NELL2: variants seen among roughly 807,000 people sequenced by gnomAD.
NELL2 encodes the protein protein kinase C-binding protein NELL2.
Under a neutral mutation model 109.6 loss-of-function variants are expected in NELL2, and 41 were observed. That is an observed-to-expected ratio of 0.37 (90% CI 0.29 to 0.49). The LOEUF (loss-of-function observed/expected upper bound fraction) is 0.49. NELL2 is among the 20% of genes least tolerant of loss of function. NELL2 has a pLI of 0.98. For synonymous variants in NELL2, 355 were observed against 344.7 expected (o/e 1.03, Z -0.33); for missense variants, 900 against 1,008.3 (o/e 0.89, Z 1.45).
In NELL2 at chr12:44,862,698, T is replaced by A. The variant is rs113815855; in HGVS notation, c.184+12527A>T. Among the ~76,000 whole-genome samples, 1,239 of 152,220 alleles carry A rather than the reference T, an allele frequency of 8.1e-3. 17 individuals are homozygous for A. Among genetic ancestry groups the A allele is most frequent in the African/African-American group, 0.028 (1,159 of 41,526 alleles). On this transcript the variant is annotated intron_variant, in intron 2 of 19. Transcript: ENST00000429094. ...TTAATGGAAAGTTTAAAATTATATT[T>A]AGAAAAAACACAAATTCTTCAGCTA...
intron 15 of NELL2, among the ~76,000 whole-genome samples, chr12:44,575,608 G>A (rs1441432595): frequency 6.6e-6 from 1 of 152,178 alleles, no homozygotes; most frequent in Non-Finnish European, 1.5e-5. Context: ...AAACTGTAGG[G>A]GATGTGGAAA....
At chr12:44,837,216 G>C (rs1944080397) in intron 2 of NELL2, among the ~76,000 whole-genome samples, 1 of 152,188 alleles carries the variant, frequency 6.6e-6, no homozygotes, top group African/African-American at 2.4e-5. Flanking sequence ...TGCAGAAAGA[G>C]TAAGTTATTT....
At chr12:44,654,219 T>C (rs1032928280) in intron 13 of NELL2, among the ~76,000 whole-genome samples, 13 of 152,236 alleles carry the variant, frequency 8.5e-5, no homozygotes, top group African/African-American at 2.7e-4. Context: ...ACCATGTACC[T>C]ATATGAAAGC....
chr12:44,571,596 A>T (rs1023915584), intron 15 of NELL2, among the ~76,000 whole-genome samples: 2 of 152,230 alleles, frequency 1.3e-5, no homozygotes, highest in Non-Finnish European at 2.9e-5. Context: ...GTAGGCATCC[A>T]ATATAAATTG....
At chr12:44,583,189 T>A (rs1201086951) in intron 15 of NELL2, among the ~76,000 whole-genome samples, 1 of 152,180 alleles carries the variant, frequency 6.6e-6, no homozygotes, top group African/African-American at 2.4e-5. Flanking sequence ...TGGAAGAATG[T>A]CATTAACCAC....
intron 15 of NELL2, among the ~76,000 whole-genome samples, chr12:44,551,480 G>A (rs1943042530): frequency 6.6e-6 from 1 of 151,848 alleles, no homozygotes; most frequent in Non-Finnish European, 1.5e-5. Context: ...CAGAGAGACA[G>A]ATCTGTATAG....
At chr12:44,686,780 C>A (rs918938850) in intron 12 of NELL2, among the ~76,000 whole-genome samples, 3 of 152,224 alleles carry the variant, frequency 2.0e-5, no homozygotes, top group Non-Finnish European at 4.4e-5. Flanking sequence ...GTTCTCAGAT[C>A]TCCAGCTGCG....
chr12:44,825,391 C>CTTTT (rs34266446), intron 2 of NELL2, among the ~76,000 whole-genome samples: 17 of 83,612 alleles, frequency 2.0e-4, no homozygotes, highest in Non-Finnish European at 3.1e-4. Context: ...TATTCATTTC[C>CTTTT]TTTTTTTTTT....
intron 12 of NELL2, among the ~76,000 whole-genome samples, chr12:44,676,119 A>G (rs913244385): frequency 2.6e-5 from 4 of 152,152 alleles, no homozygotes; most frequent in African/African-American, 9.7e-5. Context: ...ATGCAGCTCA[A>G]TTGCAAAGAC....
At chr12:44,553,192 C>T (rs1012807178) in intron 15 of NELL2, among the ~76,000 whole-genome samples, 10 of 148,986 alleles carry the variant, frequency 6.7e-5, no homozygotes, top group Non-Finnish European at 7.4e-5. Flanking sequence ...GTGGGTGCAG[C>T]GCACCAGCAT....
intron 15 of NELL2, among the ~76,000 whole-genome samples, chr12:44,582,153 A>G (rs1341623023): frequency 6.6e-6 from 1 of 152,202 alleles, no homozygotes; most frequent in Non-Finnish European, 1.5e-5. Flanking sequence ...AAAGCAGTTA[A>G]AACTTGATGA....
rs1941571370 is a variant in NELL2 at position 44,522,189 on chromosome 12, G to T, written c.1999-13C>A. On this transcript the variant is annotated splice_polypyrimidine_tract_variant and intron_variant, in intron 17 of 19. Transcript: ENST00000429094. The stretch of plus-strand genomic sequence containing the variant: ...TAACGAATCCATTCTGTATGAAAAA[G>T]AAAAAAAGCAGTTACCAAAAACCTC... 3 of 1,605,360 alleles carry T rather than the reference G, an allele frequency of 1.9e-6. No homozygotes were observed. Among genetic ancestry groups the T allele is most frequent in the African/African-American group, 1.3e-5 (1 of 74,098 alleles).
intron 9 of NELL2, among the ~76,000 whole-genome samples, chr12:44,743,616 A>G (rs1477375158): frequency 6.6e-6 from 1 of 152,238 alleles, no homozygotes; most frequent in Non-Finnish European, 1.5e-5. Context: ...TCTACCAAGC[A>G]AATGGAAAAT....
intron 15 of NELL2, among the ~76,000 whole-genome samples, chr12:44,587,800 G>A (rs976777746): frequency 1.3e-5 from 2 of 152,116 alleles, no homozygotes; most frequent in African/African-American, 4.8e-5. Context: ...AAACCCCCTT[G>A]ATGGTCACCA....
intron 1 of NELL2, 143 bp from the exon 2 acceptor site, chr12:44,875,496 G>A (rs775331915): frequency 3.1e-6 from 5 of 1,613,800 alleles, no homozygotes; most frequent in Middle Eastern, 1.6e-4. Context: ...CTCCTCCGCC[G>A]AGAGCCTTAC....
At position 44,709,287 on chromosome 12, in the gene NELL2, G is replaced by C. The variant is rs542876007; in HGVS notation, c.1189+2005C>G. On this transcript the variant is annotated intron_variant, in intron 11 of 19. Transcript: ENST00000429094. ...TGATGTGGTGCCAGTTCCAGACCTA[G>C]TATTTGAAGGCCTGAGTCACCACTT... Among the ~76,000 whole-genome samples the C allele has an allele frequency of 1.8e-3, 279 of 152,250 alleles. 2 individuals are homozygous for C. Among genetic ancestry groups the C allele is most frequent in the African/African-American group, 5.7e-3 (238 of 41,560 alleles).
chr12:44,673,810 T>C (rs995740479), intron 12 of NELL2, among the ~76,000 whole-genome samples: 11 of 152,226 alleles, frequency 7.2e-5, no homozygotes, highest in Admixed American at 1.3e-4. Context: ...AGGTTCATGG[T>C]TCCTTGAAAA....
chr12:44,555,655 T>C (rs1030011933), intron 15 of NELL2, among the ~76,000 whole-genome samples: 1 of 152,100 alleles, frequency 6.6e-6, no homozygotes, highest in Admixed American at 6.6e-5. Context: ...GTATTAAAAG[T>C]TGCAGAGACC....
At chr12:44,728,292 T>A (rs1187373087) in intron 9 of NELL2, among the ~76,000 whole-genome samples, 1 of 151,978 alleles carries the variant, frequency 6.6e-6, no homozygotes, top group African/African-American at 2.4e-5. Flanking sequence ...TAGACAGTAA[T>A]TTTTTAAAAT....
Sources: allele counts gnomAD v4.1 joint callset (sites outside exome capture counted in the v4.1 genomes callset), GRCh38; gene constraint gnomAD v4.1.1; transcripts MANE v1.5; gene names NCBI Gene and HGNC (gene_info 2026-07-23, HGNC 2026-07-21).